The following RABGEF1 variants were observed in gnomAD, a reference collection of about 807,000 sequenced individuals.
The protein encoded by RABGEF1 is RAB guanine nucleotide exchange factor 1.
RABGEF1 carries 26 observed loss-of-function variants against 57.3 expected under a neutral mutation model. That is an observed-to-expected ratio of 0.45 (90% CI 0.33 to 0.63). The LOEUF is 0.63. Among genes scored for constraint, RABGEF1 ranks in the 20% least tolerant of loss-of-function variants. The probability of loss-of-function intolerance (pLI) is 0.02; values close to 1 mark genes in which losing one functional copy is unlikely to be tolerated. For missense variants in RABGEF1, 464 were observed against 607.6 expected (o/e 0.76, Z 2.48); for synonymous variants, 185 against 210.7 (o/e 0.88, Z 1.06).
intron 4 of RABGEF1, among the ~76,000 whole-genome samples, chr7:66,789,255 T>G (rs144531912): frequency 1.3e-5 from 2 of 152,340 alleles, no homozygotes; most frequent in Non-Finnish European, 2.9e-5. Context: ...CTTTAATTAT[T>G]GTGAGAACTT....
chr7:66,763,523 T>G (rs1278340025), intron 1 of RABGEF1, among the ~76,000 whole-genome samples: 2 of 152,220 alleles, frequency 1.3e-5, no homozygotes, highest in Non-Finnish European at 2.9e-5. Context: ...AAGACAGCTT[T>G]ATTGAGGTAT....
At chr7:66,703,972 ATGT>A (rs1220306515) in intron 1 of RABGEF1, among the ~76,000 whole-genome samples, 2 of 152,180 alleles carry the variant, frequency 1.3e-5, no homozygotes, top group African/African-American at 4.8e-5. Flanking sequence ...TCTTTCAACA[ATGT>A]TGTGTACTTT....
the RABGEF1 span, chr7:66,667,660 A>G: frequency 7.2e-5 from 11 of 152,342 alleles, no homozygotes; most frequent in East Asian, 1.9e-3. Flanking sequence ...GGGATGAAAA[A>G]TTGGTATTAA....
the RABGEF1 span, among the ~76,000 whole-genome samples, chr7:66,663,692 GTAAC>G: frequency 0.1 from 15,605 of 151,990 alleles, 973 homozygotes; most frequent in South Asian, 0.2. Flanking sequence ...GTATACATAT[GTAAC>G]TAACCTGCAC....
chr7:66,702,148 C>T (rs917639898), intron 1 of RABGEF1, among the ~76,000 whole-genome samples: 4 of 152,196 alleles, frequency 2.6e-5, no homozygotes, highest in Non-Finnish European at 4.4e-5. Context: ...ATAGAATCAA[C>T]AGTAGGTCAC....
At chr7:66,741,021 G>C (rs922768229) in intron 1 of RABGEF1, among the ~76,000 whole-genome samples, 2 of 152,084 alleles carry the variant, frequency 1.3e-5, no homozygotes, top group Non-Finnish European at 2.9e-5. Context: ...CTCAGAGTGC[G>C]GCCTCTCCGT....
chr7:66,801,027 G>C (rs1787169717), intron 7 of RABGEF1, among the ~76,000 whole-genome samples: 1 of 152,156 alleles, frequency 6.6e-6, no homozygotes, highest in African/African-American at 2.4e-5. Flanking sequence ...ACAAATACGA[G>C]GTCTGTTGAA....
intron 1 of RABGEF1, among the ~76,000 whole-genome samples, chr7:66,693,050 G>A (rs1300465132): frequency 3.9e-5 from 6 of 152,268 alleles, no homozygotes; most frequent in East Asian, 1.9e-4. Context: ...GCAGTGAGCC[G>A]GCTGGTCCCG....
chr7:66,738,878 T>G (rs1343613593), upstream of RABGEF1, among the ~76,000 whole-genome samples: 1 of 152,182 alleles, frequency 6.6e-6, no homozygotes, highest in African/African-American at 2.4e-5. Flanking sequence ...ATTACCACCA[T>G]CCAAGGTACT....
the RABGEF1 span, among the ~76,000 whole-genome samples, chr7:66,657,078 A>G: frequency 1.3e-5 from 2 of 152,214 alleles, no homozygotes; most frequent in Non-Finnish European, 2.9e-5. Flanking sequence ...CACTACCTCA[A>G]TGTTAATAAT....
chr7:66,715,270 G>A (rs1215928858), intron 2 of RABGEF1, among the ~76,000 whole-genome samples: 1 of 152,102 alleles, frequency 6.6e-6, no homozygotes, highest in Non-Finnish European at 1.5e-5. Context: ...TGGGACTACA[G>A]GTATGTGCCA....
At chr7:66,775,125 C>G (rs1227728062) in intron 2 of RABGEF1, 102 bp from the exon 3 acceptor site, 1 of 1,312,180 alleles carries the variant, frequency 7.6e-7, no homozygotes, top group Non-Finnish European at 1.0e-6. Context: ...GTCTCTAGGT[C>G]TAAAATCTTT....
intron 1 of RABGEF1, among the ~76,000 whole-genome samples, chr7:66,686,332 T>C (rs979160350): frequency 6.7e-6 from 1 of 150,064 alleles, no homozygotes; most frequent in Non-Finnish European, 1.5e-5. Context: ...TTCAGGCTGG[T>C]GCAGTGGCTT....
At chr7:66,661,650 A>G in the RABGEF1 span, among the ~76,000 whole-genome samples, 2 of 152,132 alleles carry the variant, frequency 1.3e-5, no homozygotes, top group African/African-American at 4.8e-5. Context: ...ACAAAGAAAT[A>G]CCCCTGACTG....
chr7:66,761,293 C>A (rs923689584), intron 1 of RABGEF1, among the ~76,000 whole-genome samples: 15 of 152,344 alleles, frequency 9.8e-5, no homozygotes, highest in African/African-American at 3.6e-4. Flanking sequence ...TCCTAACCCC[C>A]ATCAGTTGCA....
chr7:66,752,443 G>A (rs1160507838), intron 1 of RABGEF1, among the ~76,000 whole-genome samples: 1 of 151,128 alleles, frequency 6.6e-6, no homozygotes, highest in African/African-American at 2.4e-5. Flanking sequence ...GCAGTGAGCC[G>A]AGATCATGCC....
chr7:66,700,883 A>C (rs767016527), intron 1 of RABGEF1, among the ~76,000 whole-genome samples: 1 of 152,002 alleles, frequency 6.6e-6, no homozygotes, highest in Middle Eastern at 3.2e-3. Context: ...CCCTGTCCAG[A>C]CTCTCATACT....
chr7:66,752,046 A>AG (rs1801550888), intron 1 of RABGEF1, among the ~76,000 whole-genome samples: 1 of 152,090 alleles, frequency 6.6e-6, no homozygotes, highest in African/African-American at 2.4e-5. Flanking sequence ...ACCAAAAAAA[A>AG]CCCGCAAAAA....
At chr7:66,741,650 G>A (rs1160956427) in intron 1 of RABGEF1, among the ~76,000 whole-genome samples, 1 of 152,136 alleles carries the variant, frequency 6.6e-6, no homozygotes, top group Non-Finnish European at 1.5e-5. Flanking sequence ...GTTGGTTTTT[G>A]GCCTGGAGAG....
Sources: gnomAD v4.1 joint callset for allele counts (sites outside exome capture counted in the v4.1 genomes callset) on GRCh38, gnomAD v4.1.1 for gene constraint, MANE v1.5 for transcripts, NCBI Gene and HGNC (gene_info 2026-07-23, HGNC 2026-07-21) for gene names.